Variants in LAMA2 observed in about 807,000 individuals in gnomAD.
LAMA2 encodes laminin subunit alpha-2.
A neutral mutation model predicts 364.8 loss-of-function variants in LAMA2; 269 were observed. The ratio of observed to expected loss-of-function variants is 0.74; its 90% CI spans 0.67 to 0.82. The LOEUF is 0.82. Among genes scored for constraint, LAMA2 ranks in the 40% least tolerant of loss-of-function variants. The pLI, the probability that LAMA2 is intolerant of heterozygous loss-of-function variation, is 0.00. For synonymous variants in LAMA2, 1,379 were observed against 1,370.6 expected (o/e 1.01, Z -0.14); for missense variants, 3,807 against 3,873.2 (o/e 0.98, Z 0.45).
chr6:129,128,867 G>A (rs1777277418), intron 4 of LAMA2, among the ~76,000 whole-genome samples: 2 of 152,082 alleles, frequency 1.3e-5, no homozygotes, highest in Non-Finnish European at 2.9e-5. Flanking sequence ...CTTTTCCATG[G>A]TGAATGATTA....
In LAMA2 at chr6:128,911,240, C is replaced by T. The variant is rs547641211; in HGVS notation, c.112+27883C>T. Among the ~76,000 whole-genome samples, 58 of 152,312 alleles carry T rather than the reference C, an allele frequency of 3.8e-4. 1 individual carries two copies. In the South Asian group the frequency reaches 5.0e-3, roughly 13 times the overall value. ...GGCAGACGCCCCTCCCCCAGCCTCG[C>T]TGCCGCCTTGCAGTTTGATCTCAGA... On this transcript the variant is annotated intron_variant, in intron 1 of 64. Transcript: ENST00000421865.
chr6:129,133,987 A>C (rs962846024), intron 4 of LAMA2, among the ~76,000 whole-genome samples: 1 of 152,174 alleles, frequency 6.6e-6, no homozygotes, highest in Non-Finnish European at 1.5e-5. Context: ...TTTTGTTCCA[A>C]TCTAATGACA....
At chr6:128,915,413 A>T (rs1056384476) in intron 1 of LAMA2, among the ~76,000 whole-genome samples, 2 of 152,170 alleles carry the variant, frequency 1.3e-5, no homozygotes, top group Non-Finnish European at 2.9e-5. Flanking sequence ...AAGGAATTCT[A>T]TGCAAAGCGT....
At chr6:129,416,010 G>T (rs1459211515) in intron 40 of LAMA2, among the ~76,000 whole-genome samples, 1 of 37,152 alleles carries the variant, frequency 2.7e-5, no homozygotes, top group Admixed American at 2.3e-4. Flanking sequence ...GTGCAGTGGC[G>T]GGATCTCGGC....
chr6:129,309,689 T>A (rs1774088321), intron 22 of LAMA2, among the ~76,000 whole-genome samples: 1 of 152,210 alleles, frequency 6.6e-6, no homozygotes, highest in Non-Finnish European at 1.5e-5. Flanking sequence ...CATCTGATGT[T>A]CTTTAAGTTA....
At chr6:129,247,198 C>G (rs1236836326) in intron 12 of LAMA2, among the ~76,000 whole-genome samples, 1 of 152,068 alleles carries the variant, frequency 6.6e-6, no homozygotes, top group Non-Finnish European at 1.5e-5. Flanking sequence ...ACCTGTAATC[C>G]CAGCACTTTG....
At chr6:129,182,870 A>G (rs1353293785) in intron 10 of LAMA2, among the ~76,000 whole-genome samples, 4 of 151,844 alleles carry the variant, frequency 2.6e-5, no homozygotes, top group Non-Finnish European at 5.9e-5. Flanking sequence ...TGCATGGGTA[A>G]TGCATGTTAT....
At chr6:128,972,214 C>A (rs942743563) in intron 1 of LAMA2, among the ~76,000 whole-genome samples, 6 of 152,044 alleles carry the variant, frequency 3.9e-5, no homozygotes, top group Middle Eastern at 3.2e-3. Context: ...TTTGAAAAAC[C>A]TTATTTTGTA....
At chr6:129,331,059 C>T (rs1244545910) in intron 29 of LAMA2, among the ~76,000 whole-genome samples, 3 of 151,976 alleles carry the variant, frequency 2.0e-5, no homozygotes, top group East Asian at 1.9e-4. Context: ...TTAATAGAGA[C>T]GGGGTTTCAC....
chr6:129,180,678 T>C (rs1780873669), intron 10 of LAMA2, among the ~76,000 whole-genome samples: 2 of 152,168 alleles, frequency 1.3e-5, no homozygotes, highest in African/African-American at 4.8e-5. Context: ...CCACTTTTGC[T>C]ATTTTAAAAA....
intron 9 of LAMA2, among the ~76,000 whole-genome samples, chr6:129,171,366 A>G (rs1309625483): frequency 2.0e-5 from 3 of 151,914 alleles, no homozygotes; most frequent in Non-Finnish European, 4.4e-5. Context: ...TTAGGGCAGG[A>G]CTGGTGGTGA....
At chr6:129,033,896 T>TTG (rs1321561849) in intron 1 of LAMA2, among the ~76,000 whole-genome samples, 2 of 28,416 alleles carry the variant, frequency 7.0e-5, no homozygotes, top group Non-Finnish European at 3.3e-4. Context: ...CAGCTATGGG[T>TTG]TTTTTTTTTT....
intron 14 of LAMA2, among the ~76,000 whole-genome samples, chr6:129,256,116 T>C (rs924402213): frequency 1.3e-5 from 2 of 152,244 alleles, no homozygotes; most frequent in African/African-American, 4.8e-5. Context: ...AAACATAATG[T>C]ATGTTAAGCA....
chr6:128,901,136 A>G (rs989852626), intron 1 of LAMA2, among the ~76,000 whole-genome samples: 2 of 152,232 alleles, frequency 1.3e-5, no homozygotes, highest in African/African-American at 2.4e-5. Context: ...TAGCCTGGGC[A>G]ACAGAGCAAG....
In LAMA2 at chr6:129,049,778, G is replaced by A. The variant is rs138352398; in HGVS notation, c.113-140G>A. The A allele has an allele frequency of 1.4e-3, 1,058 of 732,282 alleles. 6 individuals are homozygous for A. The highest frequency in any genetic ancestry group is 5.9e-3 in the Middle Eastern group (18 of 3,076). 45.4% of individuals were successfully genotyped at this position (732,282 alleles called of 1,614,324 possible). On this transcript the variant is annotated intron_variant, in intron 1 of 64. Transcript: ENST00000421865. ...TAGTATTTATGTAGTATACTGAATT[G>A]TCAGGTATTTATCATTAATTATCTC...
At chr6:129,151,378 T>C (rs950976582) in intron 7 of LAMA2, among the ~76,000 whole-genome samples, 1 of 152,174 alleles carries the variant, frequency 6.6e-6, no homozygotes, top group African/African-American at 2.4e-5. Context: ...AAATACACTA[T>C]TACAACAAAG....
At chr6:129,207,483 A>G (rs1349372653) in intron 12 of LAMA2, among the ~76,000 whole-genome samples, 2 of 152,120 alleles carry the variant, frequency 1.3e-5, no homozygotes, top group African/African-American at 4.8e-5. Context: ...CACATTTTAT[A>G]TTTGATGTGG....
chr6:129,145,022 T>A (rs1778348737), intron 5 of LAMA2, among the ~76,000 whole-genome samples: 1 of 152,024 alleles, frequency 6.6e-6, no homozygotes, highest in African/African-American at 2.4e-5. Context: ...GGAAGTCAAT[T>A]CAGCCATAAC....
chr6:129,300,374 C>T (rs182765641), intron 21 of LAMA2, among the ~76,000 whole-genome samples: 1 of 152,132 alleles, frequency 6.6e-6, no homozygotes, highest in African/African-American at 2.4e-5. Context: ...TAGAAATGAA[C>T]TTAAAATAAA....
Sources: gnomAD v4.1 joint callset for allele counts (sites outside exome capture counted in the v4.1 genomes callset) on GRCh38, gnomAD v4.1.1 for gene constraint, MANE v1.5 for transcripts, NCBI Gene and HGNC (gene_info 2026-07-23, HGNC 2026-07-21) for gene names.